NEXMIF: variants seen among roughly 807,000 people sequenced by gnomAD.
NEXMIF encodes the protein XLMR protein related to neurite extension.
In NEXMIF, 8 loss-of-function variants were observed where a neutral mutation model predicts 62.1. The ratio of observed to expected loss-of-function variants is 0.13; its 90% confidence interval spans 0.08 to 0.23. The LOEUF (loss-of-function observed/expected upper bound fraction) is 0.23, where lower values mean the gene tolerates loss of function less well. Among genes scored for constraint, NEXMIF ranks in the 10% least tolerant of loss-of-function variants. The pLI is 1.00. For synonymous variants in NEXMIF, 404 were observed against 416.6 expected (o/e 0.97, Z 0.37); for missense variants, 976 against 1,113.3 (o/e 0.88, Z 1.75).
Position 74,741,715 on chromosome X carries a change from C to A in NEXMIF, c.2842G>T (p.Val948Phe). Residue 948 changes from valine (V) to phenylalanine (F), a missense_variant, in exon 3 of 4, where the codon GTC becomes TTC. Around this residue, in one of 5 missense-constraint regions of NEXMIF, gnomAD observed 639 missense variants for 694.5 expected, o/e 0.92. Coordinates refer to ENST00000055682, the MANE Select transcript of NEXMIF (RefSeq NM_001008537.3). ...GTATCTTGCATGGAGTCATACAGGA[C>A]CTTGTTGCAATTACTGCCACCACTA... ...LNSGGSNCNK[V>F]LYDSMQDTQL... 1 of 1,211,195 alleles carries A rather than the reference C, an allele frequency of 8.3e-7. No individual in the cohort carries two copies. Among genetic ancestry groups the A allele is most frequent in the South Asian group, 1.8e-5 (1 of 56,980 alleles).
chrX:74,815,737 C>T (rs1193221684), intron 1 of NEXMIF, among the ~76,000 whole-genome samples: 1 of 108,171 alleles, frequency 9.2e-6, no homozygotes, highest in African/African-American at 3.4e-5. Context: ...CGGGTTCATG[C>T]CATTCTCCTG....
chrX:74,865,449 A>G, intron 1 of NEXMIF, among the ~76,000 whole-genome samples: 1 of 112,439 alleles, frequency 8.9e-6, no homozygotes, highest in East Asian at 2.8e-4. Context: ...TTCAAAAGGA[A>G]GAAGAGCATA....
At chrX:74,796,209 T>TTA (rs1393909984) in intron 1 of NEXMIF, among the ~76,000 whole-genome samples, 1 of 46,615 alleles carries the variant, frequency 2.1e-5, no homozygotes, top group Non-Finnish European at 3.9e-5. Context: ...TACATATATA[T>TTA]TATATATATA....
At chrX:74,760,691 A>G (rs759173397) in intron 1 of NEXMIF, among the ~76,000 whole-genome samples, 98 of 110,994 alleles carry the variant, frequency 8.8e-4, no homozygotes, top group Non-Finnish European at 1.7e-3. Context: ...AATCACATTT[A>G]TTGATTTGCA....
At chrX:74,783,605 G>A (rs1464251451) in intron 1 of NEXMIF, among the ~76,000 whole-genome samples, 1 of 111,724 alleles carries the variant, frequency 9.0e-6, no homozygotes, top group East Asian at 2.8e-4. Context: ...CCAACGTAAA[G>A]GGTAAAAGAA....
chrX:74,881,391 T>TGC (rs1491362617), intron 1 of NEXMIF, among the ~76,000 whole-genome samples: 5 of 26,350 alleles, frequency 1.9e-4, no homozygotes, highest in Non-Finnish European at 2.7e-4. Context: ...CACATACACA[T>TGC]GCACACACAC....
intron 1 of NEXMIF, among the ~76,000 whole-genome samples, chrX:74,886,573 C>G (rs1053662080): frequency 1.5e-4 from 17 of 111,120 alleles, no homozygotes; most frequent in African/African-American, 5.6e-4. Context: ...AATGAAATAC[C>G]TAGGAATCCA....
intron 1 of NEXMIF, among the ~76,000 whole-genome samples, chrX:74,750,767 T>C (rs1158689587): frequency 9.0e-6 from 1 of 111,595 alleles, no homozygotes; most frequent in Non-Finnish European, 1.9e-5. Context: ...GGTATGATGA[T>C]GTTAAGTACA....
At chrX:74,909,825 A>G (rs1184725363) in intron 1 of NEXMIF, among the ~76,000 whole-genome samples, 1 of 111,978 alleles carries the variant, frequency 8.9e-6, no homozygotes, top group African/African-American at 3.2e-5. Flanking sequence ...AGCTGTTGCT[A>G]AAAGGGGCCA....
chrX:74,778,981 G>C (rs573654096), intron 1 of NEXMIF, among the ~76,000 whole-genome samples: 1 of 112,010 alleles, frequency 8.9e-6, no homozygotes, highest in Middle Eastern at 4.6e-3. Context: ...GACAACAAAG[G>C]CTTTCATTTT....
chrX:74,887,850 T>A (rs1192039287), intron 1 of NEXMIF, among the ~76,000 whole-genome samples: 2 of 112,011 alleles, frequency 1.8e-5, no homozygotes, highest in East Asian at 5.6e-4. Context: ...TGCACACATA[T>A]GTTTATTGCG....
At chrX:74,874,785 C>A (rs1338498231) in intron 1 of NEXMIF, among the ~76,000 whole-genome samples, 2 of 93,595 alleles carry the variant, frequency 2.1e-5, no homozygotes. Context: ...CATGATTTGG[C>A]TCTCTGTTTG....
intron 1 of NEXMIF, among the ~76,000 whole-genome samples, chrX:74,868,411 TGTG>T (rs1446902573): frequency 9.0e-6 from 1 of 111,367 alleles, no homozygotes; most frequent in Non-Finnish European, 1.9e-5. Flanking sequence ...ATAAAGAAAA[TGTG>T]GTATATATAC....
At chrX:74,762,443 T>C (rs897986549) in intron 1 of NEXMIF, among the ~76,000 whole-genome samples, 1 of 111,665 alleles carries the variant, frequency 9.0e-6, no homozygotes, top group Non-Finnish European at 1.9e-5. Flanking sequence ...TGTGTCTTTA[T>C]AGCAGCATGA....
In NEXMIF at chrX:74,779,225, T is replaced by C. The variant is rs182275030; in HGVS notation, c.-47-33528A>G. On this transcript the variant is annotated intron_variant, in intron 1 of 3. Transcript: ENST00000055682. The stretch of plus-strand genomic sequence containing the variant: ...CCTATGATGCCAGAGTTCTGACTGA[T>C]TGAGTAAGACGTAATCTGACCTTCT... Among the ~76,000 whole-genome samples the C allele has an allele frequency of 6.7e-4, 76 of 112,602 alleles. 1 individual carries two copies. Among genetic ancestry groups the C allele is most frequent in the African/African-American group, 2.4e-3 (75 of 31,055 alleles).
chrX:74,919,279 C>T (rs1252140357), intron 1 of NEXMIF, among the ~76,000 whole-genome samples: 2 of 111,407 alleles, frequency 1.8e-5, no homozygotes, highest in Non-Finnish European at 1.9e-5. Context: ...TCTGTTGAGC[C>T]GAAACCCTGA....
chrX:74,741,885 T>C lies in NEXMIF; in HGVS notation c.2672A>G (p.Asn891Ser), dbSNP rs186535459. 8.6e-5 allele frequency: 104 copies of C among 1,210,456 alleles called. No homozygotes were observed. In the Admixed American group the frequency reaches 2.1e-3, roughly 25 times the overall value. Residue 891 changes from asparagine to serine, a missense_variant, in exon 3 of 4, where the codon AAC becomes AGC. This residue lies in a region of NEXMIF where 639 missense variants were observed against 694.5 expected (regional missense o/e 0.92). Transcript: ENST00000055682. ...ESSNYRNVWP[N>S]KATSGTQEFM... ...TTCCTGGGTGCCAGAAGTAGCCTTG[T>C]TGGGCCACACATTTCTATAGTTGCT...
intron 1 of NEXMIF, among the ~76,000 whole-genome samples, chrX:74,796,196 A>G (rs1256370555): frequency 1.4e-5 from 1 of 69,954 alleles, no homozygotes. Context: ...TATATTATAT[A>G]TATACATATA....
intron 1 of NEXMIF, among the ~76,000 whole-genome samples, chrX:74,895,005 G>T (rs1166352714): frequency 8.9e-6 from 1 of 112,139 alleles, no homozygotes; most frequent in Non-Finnish European, 1.9e-5. Context: ...GATAGAAAGG[G>T]CATCCAAATT....
Sources: allele counts gnomAD v4.1 joint callset (sites outside exome capture counted in the v4.1 genomes callset), GRCh38; gene constraint gnomAD v4.1.1; regional missense constraint gnomAD v4.1.1; transcripts MANE v1.5; gene names NCBI Gene and HGNC (gene_info 2026-07-23, HGNC 2026-07-21).